TMC8: variants seen among roughly 807,000 people sequenced by gnomAD.
TMC8 encodes transmembrane channel-like protein 8.
A neutral mutation model predicts 76.0 loss-of-function variants in TMC8; 71 were observed. The ratio of observed to expected loss-of-function variants is 0.93; its 90% CI spans 0.77 to 1.14. The LOEUF is 1.14. TMC8 is among the 50% of genes most tolerant of loss of function. The pLI, the probability that TMC8 is intolerant of heterozygous loss-of-function variation, is 0.00. For missense variants in TMC8, 924 were observed against 947.9 expected, an observed-to-expected ratio of 0.97 and a Z score of 0.33; for synonymous variants, 433 against 433.8, an observed-to-expected ratio of 1.00 and a Z score of 0.02.
intron 8 of TMC8, 91 bp from the exon 9 acceptor site, chr17:78,134,779 C>G: frequency 3.8e-6 from 6 of 1,598,148 alleles, no homozygotes; most frequent in Middle Eastern, 2.0e-4. Flanking sequence ...CTGGGCCTGC[C>G]CCAGAGTTAC....
chr17:78,133,652 C>G (rs1007531250), intron 6 of TMC8, 110 bp downstream of exon 6: 1 of 1,572,144 alleles, frequency 6.4e-7, no homozygotes, highest in African/African-American at 1.3e-5. Context: ...CCCGGCACAG[C>G]AGGCTCCTGG....
chr17:78,134,357 C>T (rs749074316), intron 7 of TMC8, 37 bp from the exon 8 acceptor site: 18 of 1,602,696 alleles, frequency 1.1e-5, no homozygotes, highest in African/African-American at 9.3e-5. Flanking sequence ...ATGCCCACCC[C>T]GCCTGCAGCT....
intron 15 of TMC8, 85 bp downstream of exon 15, chr17:78,139,325 G>A: frequency 6.7e-7 from 1 of 1,502,506 alleles, no homozygotes; most frequent in South Asian, 1.1e-5. Flanking sequence ...GAACACGTCT[G>A]AGCGGGTCAG....
Position 78,134,980 on chromosome 17 carries a change from C to T in TMC8, c.1098C>T (p.Pro366=), listed in dbSNP as rs1167140187. 1.2e-6 allele frequency: 2 copies of T among 1,613,942 alleles called. No individual in the cohort carries two copies. Among genetic ancestry groups the T allele is most frequent in the African/African-American group, 1.3e-5 (1 of 74,916 alleles). ...TFLVQLENYP[P]NTEVNLTLIW... is the part of the protein sequence containing the mutation. ...TGGTCCAGCTGGAGAACTACCCTCC[C>T]AACACGGAGGTCAACCTCACTCTGA... Residue 366 remains proline (P), a synonymous_variant, in exon 9 of 16, where the codon CCC becomes CCT. Transcript: ENST00000318430.
At chr17:78,138,839 A>G in intron 14 of TMC8, 107 bp downstream of exon 14, 1 of 1,558,760 alleles carries the variant, frequency 6.4e-7, no homozygotes, top group South Asian at 1.1e-5. Context: ...CAGACGCAGA[A>G]AGCCAAGGGA....
In TMC8 at chr17:78,134,452, C is replaced by G. The variant is rs140623039; in HGVS notation, c.875C>G (p.Thr292Arg). The G allele has an allele frequency of 6.2e-7, 1 of 1,613,800 alleles. No individual in the cohort carries two copies. The highest frequency in any genetic ancestry group is 8.5e-7 in the Non-Finnish European group (1 of 1,180,032). ...ATGCAGCAGCAGACCCGGGCCCAGA[C>G]GGCCTGCCGCCTGCTCTCCTACCTG... is the stretch of plus-strand genomic sequence containing the variant. ...QLMQQQTRAQ[T>R]ACRLLSYLRV... Residue 292 changes from threonine to arginine, a missense_variant, in exon 8 of 16, where the codon ACG becomes AGG. By Grantham distance (71) the Thr-to-Arg change is moderately conservative. Transcript: ENST00000318430.
At position 78,138,645 on chromosome 17, in the gene TMC8, T is replaced by C. The variant is rs1190868321; in HGVS notation, c.1736T>C (p.Val579Ala). Residue 579 changes from valine to alanine, a missense_variant, in exon 14 of 16, where the codon GTG becomes GCG. Val to Ala is a moderately conservative substitution (Grantham distance 64). Transcript: ENST00000318430. ...CCCTGGCAAGTGGTCCCGGAGCTGG[T>C]GGCCCTTGGGCTCCCGCCCATTGGC... Reference protein sequence around the residue: ...SAPWQVVPELVALGLPPIGQR... With the variant: ...SAPWQVVPELAALGLPPIGQR... 3 of 1,613,906 alleles carry C rather than the reference T, an allele frequency of 1.9e-6. No individual in the cohort carries two copies. The South Asian group carries it at 3.3e-5, about 18-fold the overall frequency.
rs367807381 is a variant in TMC8 at position 78,138,341 on chromosome 17, G to A, written c.1534-8G>A. The A allele has an allele frequency of 1.5e-5, 24 of 1,610,512 alleles. No homozygotes were observed. The highest frequency in any genetic ancestry group is 1.6e-4 in the Middle Eastern group (1 of 6,062). ...CTGACTCCTGGTTGCTATTGCTTGC[G>A]CCCCCAGTACACCCTCCTGAAGAAC... On this transcript the variant is annotated splice_region_variant and splice_polypyrimidine_tract_variant and intron_variant, in intron 12 of 15. Transcript: ENST00000318430.
intron 9 of TMC8, 55 bp from the exon 10 acceptor site, chr17:78,137,180 G>A (rs377056213): frequency 1.7e-5 from 28 of 1,609,048 alleles, no homozygotes; most frequent in East Asian, 8.9e-5. Context: ...AGCCTGGGTA[G>A]AGCCCGGTGC....
chr17:78,137,865 T>G, intron 11 of TMC8, 51 bp downstream of exon 11: 2 of 1,603,804 alleles, frequency 1.2e-6, no homozygotes, highest in Non-Finnish European at 1.7e-6. Flanking sequence ...GCGAGCATGT[T>G]GGGGGTGGCC....
rs368431392 is a variant in TMC8 at position 78,133,388 on chromosome 17, C to G, written c.532-18C>G. The G allele has an allele frequency of 2.8e-5, 45 of 1,613,566 alleles. No homozygotes were observed. In the African/African-American group the frequency reaches 5.7e-4, roughly 21 times the overall value. The stretch of plus-strand genomic sequence containing the variant: ...CCTGGTGCTCACCCGGGCTGGGTAT[C>G]TTCGTCGCTGTCCCCAGGCCTTCAC... On this transcript the variant is annotated intron_variant, in intron 5 of 15. Transcript: ENST00000318430.
chr17:78,140,688 C>T (rs951439895), intron 15 of TMC8, 146 bp from the exon 16 acceptor site: 9 of 1,116,296 alleles, frequency 8.1e-6, no homozygotes, highest in African/African-American at 1.6e-5. Context: ...TGGCCTCGAG[C>T]GGGGCGTGGC....
At chr17:78,134,280 T>C (rs1333642961) in intron 7 of TMC8, 114 bp from the exon 8 acceptor site, 1 of 1,293,844 alleles carries the variant, frequency 7.7e-7, no homozygotes, top group Admixed American at 1.7e-5. Context: ...TGAGAGTTTG[T>C]GACTGTGTAT....
intron 14 of TMC8, 21 bp from the exon 15 acceptor site, chr17:78,139,141 C>T (rs750330912): frequency 1.5e-5 from 24 of 1,613,056 alleles, no homozygotes; most frequent in Non-Finnish European, 1.9e-5. Flanking sequence ...CAACTGACCA[C>T]GAATCCCCTT....
chr17:78,132,341 C>T lies in TMC8; in HGVS notation c.299-18C>T. The T allele has an allele frequency of 1.2e-6, 2 of 1,612,408 alleles. No individual in the cohort carries two copies. Among genetic ancestry groups the T allele is most frequent in the South Asian group, 1.1e-5 (1 of 91,036 alleles). ...CCCGGCCCCGGCCTCCCTGACCCACCCTGCTCTCCCACTGCAGGCCTCTTC... is the reference window on the plus strand; with the variant it reads ...CCCGGCCCCGGCCTCCCTGACCCACTCTGCTCTCCCACTGCAGGCCTCTTC... On this transcript the variant is annotated intron_variant, in intron 3 of 15. Transcript: ENST00000318430.
rs2075183238 is a variant in TMC8, at chr17:78,134,958, T to G, written c.1076T>G (p.Val359Gly). ...GGTCCCCTGCTGTTCACATTTCTGG[T>G]CCAGCTGGAGAACTACCCTCCCAAC... The part of the protein sequence containing the change: ...FLGPLLFTFL[V>G]QLENYPPNTE... Residue 359 changes from valine (V) to glycine (G), a missense_variant, in exon 9 of 16, where the codon GTC (valine) becomes GGC (glycine). Val to Gly is a moderately radical substitution (Grantham distance 109). Coordinates refer to ENST00000318430, the MANE Select transcript of TMC8 (RefSeq NM_152468.5). The G allele has an allele frequency of 1.9e-6, 3 of 1,614,050 alleles. No homozygotes were observed. Among genetic ancestry groups the G allele is most frequent in the Non-Finnish European group, 2.5e-6 (3 of 1,179,960 alleles).
chr17:78,131,861 C>T, intron 2 of TMC8, 21 bp from the exon 3 acceptor site: 1 of 1,463,218 alleles, frequency 6.8e-7, no homozygotes, highest in Non-Finnish European at 9.0e-7. Context: ...CAGGGGCGCC[C>T]CTGTCACCAC....
At chr17:78,132,543 T>A (rs1342265648) in intron 4 of TMC8, 35 bp downstream of exon 4, 2 of 1,594,346 alleles carry the variant, frequency 1.3e-6, no homozygotes, top group Non-Finnish European at 1.7e-6. Context: ...AGTGCTCCGG[T>A]GCCCACCTGC....
At chr17:78,134,594 GGCC>G in intron 8 of TMC8, 30 bp downstream of exon 8, 1 of 1,612,952 alleles carries the variant, frequency 6.2e-7, no homozygotes. Flanking sequence ...ATTTAATCCT[GGCC>G]AGAACTGCGG....
Sources: allele counts gnomAD v4.1 joint callset, GRCh38; gene constraint gnomAD v4.1.1; transcripts MANE v1.5; gene names NCBI Gene and HGNC (gene_info 2026-07-23, HGNC 2026-07-21).